Variants in TPTE2 observed in about 807,000 individuals in gnomAD.
TPTE2 encodes the protein phosphatidylinositol 3,4,5-trisphosphate 3-phosphatase TPTE2.
In TPTE2, 53 loss-of-function variants were observed where a neutral mutation model predicts 78.6. The ratio of observed to expected loss-of-function variants is 0.67; its 90% confidence interval spans 0.54 to 0.85. The LOEUF is 0.85. Ranked by LOEUF, TPTE2 falls within the 40% of genes least tolerant of loss-of-function variation. The pLI is 0.00. For missense variants in TPTE2, 461 were observed against 623.0 expected (o/e 0.74, Z 2.77); for synonymous variants, 175 against 206.2 (o/e 0.85, Z 1.30).
At chr13:19,427,541 T>C (rs188259418) in intron 17 of TPTE2, among the ~76,000 whole-genome samples, 1 of 152,340 alleles carries the variant, frequency 6.6e-6, no homozygotes, top group Non-Finnish European at 1.5e-5. Context: ...AAAGCTAGCA[T>C]TGACATTCAA....
At chr13:19,448,316 T>G (rs912641517) in intron 13 of TPTE2, among the ~76,000 whole-genome samples, 4 of 152,092 alleles carry the variant, frequency 2.6e-5, no homozygotes, top group African/African-American at 9.7e-5. Context: ...AAAGAAAAAG[T>G]AGACAAATGA....
intron 4 of TPTE2, among the ~76,000 whole-genome samples, chr13:19,476,482 C>A (rs1183928113): frequency 1.3e-5 from 2 of 151,988 alleles, no homozygotes; most frequent in Non-Finnish European, 2.9e-5. Context: ...ACAATGCTCA[C>A]AGCCTGTGCC....
intron 13 of TPTE2, among the ~76,000 whole-genome samples, chr13:19,446,874 T>G (rs541975135): frequency 4.6e-5 from 7 of 152,148 alleles, no homozygotes; most frequent in Non-Finnish European, 7.4e-5. Flanking sequence ...CCCCAGGAGG[T>G]TCAGGCTGCA....
chr13:19,517,879 A>T (rs926151270), intron 1 of TPTE2, among the ~76,000 whole-genome samples: 4 of 152,168 alleles, frequency 2.6e-5, no homozygotes, highest in Admixed American at 2.0e-4. Flanking sequence ...AATGTACCAA[A>T]ATCAAAGACC....
chr13:19,519,036 T>C (rs143313185), intron 1 of TPTE2, among the ~76,000 whole-genome samples: 1 of 152,142 alleles, frequency 6.6e-6, no homozygotes, highest in African/African-American at 2.4e-5. Flanking sequence ...TATACTTTCA[T>C]GAATTTTACT....
At chr13:19,561,007 G>A in the TPTE2 span, 102 of 1,578,694 alleles carry the variant, frequency 6.5e-5, no homozygotes, top group African/African-American at 1.2e-3. Flanking sequence ...CGGAGGCCAC[G>A]TCCCCACAGA....
At chr13:19,559,592 G>A in the TPTE2 span, among the ~76,000 whole-genome samples, 10 of 151,010 alleles carry the variant, frequency 6.6e-5, no homozygotes, top group East Asian at 1.6e-3. Context: ...GGGAGCATGG[G>A]CCTTTGCTCT....
At chr13:19,495,102 A>G (rs1383349504) in intron 1 of TPTE2, among the ~76,000 whole-genome samples, 1 of 152,166 alleles carries the variant, frequency 6.6e-6, no homozygotes, top group African/African-American at 2.4e-5. Context: ...CCCGCTTCGT[A>G]TAATCCCATC....
intron 13 of TPTE2, among the ~76,000 whole-genome samples, chr13:19,445,948 A>G (rs1424816871): frequency 1.1e-4 from 16 of 149,048 alleles, no homozygotes; most frequent in Non-Finnish European, 2.4e-4. Flanking sequence ...CTCAAAACAA[A>G]AAACAAAAAA....
chr13:19,462,030 G>T (rs1326893894), intron 10 of TPTE2, among the ~76,000 whole-genome samples: 4 of 150,168 alleles, frequency 2.7e-5, no homozygotes, highest in Admixed American at 6.6e-5. Flanking sequence ...ATTAATAGAT[G>T]AGGCTTTATC....
chr13:19,534,771 G>A (rs1871102851), intron 1 of TPTE2, among the ~76,000 whole-genome samples: 1 of 152,168 alleles, frequency 6.6e-6, no homozygotes, highest in Non-Finnish European at 1.5e-5. Context: ...CAATTTGCAT[G>A]CCATGTATAA....
At chr13:19,435,683 G>A (rs1240126745) in intron 15 of TPTE2, among the ~76,000 whole-genome samples, 1 of 151,882 alleles carries the variant, frequency 6.6e-6, no homozygotes, top group Non-Finnish European at 1.5e-5. Flanking sequence ...GGATACAGAA[G>A]GGGTTTTGAA....
intron 1 of TPTE2, among the ~76,000 whole-genome samples, chr13:19,517,731 C>T (rs1355673152): frequency 6.6e-6 from 1 of 152,096 alleles, no homozygotes; most frequent in African/African-American, 2.4e-5. Flanking sequence ...CAAACAGAAT[C>T]CTGGTGCTTT....
chr13:19,531,623 A>T (rs546926288), intron 1 of TPTE2, among the ~76,000 whole-genome samples: 1 of 101,652 alleles, frequency 9.8e-6, no homozygotes, highest in African/African-American at 2.6e-5. Flanking sequence ...ACAATTAGGT[A>T]TTTAGTTAAA....
chr13:19,542,468 C>A, the TPTE2 span, among the ~76,000 whole-genome samples: 9 of 152,138 alleles, frequency 5.9e-5, no homozygotes, highest in East Asian at 1.7e-3. Flanking sequence ...TTTATGGATC[C>A]TATTATACTA....
chr13:19,462,692 G>A (rs536073502), intron 10 of TPTE2, among the ~76,000 whole-genome samples: 5 of 151,202 alleles, frequency 3.3e-5, no homozygotes, highest in East Asian at 2.0e-4. Flanking sequence ...ACAGGTTCAC[G>A]CCACCACACC....
intron 4 of TPTE2, among the ~76,000 whole-genome samples, chr13:19,479,639 C>T (rs1880202254): frequency 6.6e-6 from 1 of 152,178 alleles, no homozygotes; most frequent in East Asian, 1.9e-4. Flanking sequence ...TTACATGTGA[C>T]AAAAACTAAA....
intron 14 of TPTE2, among the ~76,000 whole-genome samples, chr13:19,437,132 T>A (rs1877156603): frequency 1.3e-5 from 2 of 152,202 alleles, no homozygotes; most frequent in Admixed American, 1.3e-4. Flanking sequence ...TCAAAAGATG[T>A]CAGTTACAAC....
intron 11 of TPTE2, 68 bp downstream of exon 14, chr13:19,451,097 A>G: frequency 6.4e-7 from 1 of 1,572,378 alleles, no homozygotes. Context: ...TAAAAAGCAA[A>G]ATCATCTTCT....
Sources: allele counts gnomAD v4.1 joint callset (sites outside exome capture counted in the v4.1 genomes callset), GRCh38; gene constraint gnomAD v4.1.1; transcripts MANE v1.5; gene names NCBI Gene and HGNC (gene_info 2026-07-23, HGNC 2026-07-21).